Variants in IGSF9B observed in about 807,000 individuals in gnomAD.
IGSF9B encodes protein turtle homolog B.
A neutral mutation model predicts 143.7 loss-of-function variants in IGSF9B; 48 were observed. The ratio of observed to expected loss-of-function variants is 0.33; its 90% CI spans 0.26 to 0.42. The LOEUF is 0.42. IGSF9B is among the 20% of genes least tolerant of loss of function. The probability of loss-of-function intolerance (pLI) is 1.00; values close to 1 mark genes in which losing one functional copy is unlikely to be tolerated. For synonymous variants in IGSF9B, 903 were observed against 833.1 expected (o/e 1.08, Z -1.44); for missense variants, 1,706 against 1,980.0 (o/e 0.86, Z 2.63).
chr11:133,927,936 G>C (rs1451943137), intron 12 of IGSF9B, among the ~76,000 whole-genome samples: 1 of 152,194 alleles, frequency 6.6e-6, no homozygotes, highest in Non-Finnish European at 1.5e-5. Context: ...AGTACAAAAA[G>C]AAGCCGGCGC....
At position 133,902,567 on chromosome 11, in the gene IGSF9B, C is replaced by A. The variant is rs61910579; in HGVS notation, c.*6502G>T. ...ACACACACCACATACACACACACAC[C>A]CCACACACACACACACACACCCCAC... On this transcript the variant is annotated 3_prime_UTR_variant, in exon 20 of 20. Transcript: ENST00000533871. Among the ~76,000 whole-genome samples, 3 of 109,660 alleles carry A rather than the reference C, an allele frequency of 2.7e-5. No individual in the cohort carries two copies. Among genetic ancestry groups the A allele is most frequent in the African/African-American group, 8.7e-5 (3 of 34,320 alleles). The allele number at this position is 109,660 out of a possible 152,430, so 71.9% of individuals were successfully genotyped here. A position where few individuals can be genotyped will look rare whatever the true frequency, so the allele number is the denominator to read the frequency against.
rs529751810 is a variant in IGSF9B, at chr11:133,913,553, T to G, written c.3984-1546A>C. 2.6e-5 allele frequency among the ~76,000 whole-genome samples: 4 copies of G among 152,268 alleles called. No homozygotes were observed. The highest frequency in any genetic ancestry group is 9.6e-5 in the African/African-American group (4 of 41,550). On this transcript the variant is annotated intron_variant, in intron 18 of 19. Transcript: ENST00000533871. This position sits in a 1 kb window ranked among gnomAD's most constrained non-coding sequence, Gnocchi z 4.6. Reference sequence around the variant, plus strand: ...AAAGTTTCAAAAGGCTCCCTCAAAGTTCAGGTCACGGTCAACCTCTTGACT... The same window carrying G: ...AAAGTTTCAAAAGGCTCCCTCAAAGGTCAGGTCACGGTCAACCTCTTGACT...
chr11:133,935,805 G>A, intron 6 of IGSF9B, 43 bp from the exon 7 acceptor site: 2 of 1,593,326 alleles, frequency 1.3e-6, no homozygotes, highest in Non-Finnish European at 8.5e-7. Flanking sequence ...GAGCAGAAGG[G>A]GATCTTGCCG....
At position 133,931,671 on chromosome 11, in the gene IGSF9B, G is replaced by A. The variant is rs753973322; in HGVS notation, c.1235C>T (p.Ala412Val). ...GGACCTCACCTTCAGGACAAGCCTC[G>A]CAGGGGCAGACTGGCCCATGGTCCC... ...TLGTMGQSAP[A>V]RLVLKDPPYF... Residue 412 changes from alanine to valine, a missense_variant, in exon 9 of 20, where the codon GCG becomes GTG. Physicochemically the swap from Ala to Val is moderately conservative, Grantham distance 64. This residue lies in a region of IGSF9B where 238 missense variants were observed against 452.6 expected (regional missense o/e 0.53). Transcript: ENST00000533871. This position sits in a 1 kb window ranked among gnomAD's most constrained non-coding sequence, Gnocchi z 7.7. The A allele has an allele frequency of 1.4e-5, 22 of 1,609,996 alleles. No individual in the cohort carries two copies. The highest frequency in any genetic ancestry group is 1.8e-5 in the Non-Finnish European group (21 of 1,177,912).
intron 16 of IGSF9B, 111 bp from the exon 17 acceptor site, chr11:133,922,333 G>A: frequency 1.8e-6 from 2 of 1,098,370 alleles, no homozygotes; most frequent in Admixed American, 2.0e-5. Flanking sequence ...GGAAGGAGCT[G>A]CTCACAGTGG....
At chr11:133,947,476 C>T (rs1202245621) in intron 1 of IGSF9B, among the ~76,000 whole-genome samples, 1 of 152,240 alleles carries the variant, frequency 6.6e-6, no homozygotes, top group African/African-American at 2.4e-5. Flanking sequence ...AGCTGCAGTA[C>T]CGAAGCGGCA....
chr11:133,919,131 G>GGGGGGC, intron 18 of IGSF9B: 2 of 380,796 alleles, frequency 5.3e-6, no homozygotes, highest in South Asian at 1.8e-5. Flanking sequence ...GGGGGGGGTG[G>GGGGGGC]GGGACGTGTC....
At chr11:133,930,842 G>T in intron 11 of IGSF9B, 142 bp downstream of exon 11, 1 of 809,582 alleles carries the variant, frequency 1.2e-6, no homozygotes, top group Non-Finnish European at 1.8e-6. Context: ...GGTGCTGGAC[G>T]CGGAGTTCAG....
rs1478542659 is a variant in IGSF9B, at chr11:133,903,185, T to C, written c.*5884A>G. On this transcript the variant is annotated 3_prime_UTR_variant, in exon 20 of 20. Coordinates refer to ENST00000533871, the MANE Select transcript of IGSF9B (RefSeq NM_001277285.4). Reference sequence around the variant, plus strand: ...AACCTGCCCTAGTTCGCAAAATAAATCCAGGAAATCCAGTGCCACAGAGAG... The same window carrying C: ...AACCTGCCCTAGTTCGCAAAATAAACCCAGGAAATCCAGTGCCACAGAGAG... Among the ~76,000 whole-genome samples the C allele has an allele frequency of 6.6e-6, 1 of 151,704 alleles. No homozygotes were observed. Among genetic ancestry groups the C allele is most frequent in the Non-Finnish European group, 1.5e-5 (1 of 67,944 alleles).
rs1233206637 is a variant in IGSF9B, at chr11:133,945,982, A to C, written c.262+79T>G. 7.3e-6 allele frequency: 7 copies of C among 958,036 alleles called. No homozygotes were observed. The highest frequency in any genetic ancestry group is 1.1e-5 in the Non-Finnish European group (7 of 638,400). The allele number at this position is 958,036 out of a possible 1,614,324, so 59.3% of individuals were successfully genotyped here. A position where few individuals can be genotyped will look rare whatever the true frequency, so the allele number is the denominator to read the frequency against. ...ACAGAGATAAAGAGTGGTCAGGACA[A>C]GGCAGGGGCCAGAGGGGAACCACCG... On this transcript the variant is annotated intron_variant, in intron 2 of 19. Transcript: ENST00000533871. This position sits in a 1 kb window ranked among gnomAD's most constrained non-coding sequence, Gnocchi z 4.6.
intron 18 of IGSF9B, chr11:133,919,129 T>TGTGGGGGGGGGGGGGG: frequency 1.7e-5 from 3 of 174,376 alleles, no homozygotes; most frequent in Admixed American, 7.0e-5. Context: ...GGGGGGGGGG[T>TGTGGGGGGGGGGGGGG]GGGGGACGTG....
intron 5 of IGSF9B, among the ~76,000 whole-genome samples, chr11:133,936,953 G>C (rs1199442457): frequency 8.5e-5 from 13 of 152,222 alleles, no homozygotes; most frequent in Admixed American, 8.5e-4. Flanking sequence ...CCCCAGCTCT[G>C]CCAAATGCCC....
intron 2 of IGSF9B, 43 bp from the exon 3 acceptor site, chr11:133,944,409 A>G: frequency 6.2e-7 from 1 of 1,605,632 alleles, no homozygotes; most frequent in East Asian, 2.2e-5. Context: ...GCCATCAGGT[A>G]AGGACAGCAG....
rs1252467371 is a variant in IGSF9B, at chr11:133,932,186, G to C, written c.995C>G (p.Pro332Arg). The C allele has an allele frequency of 6.3e-7, 1 of 1,586,022 alleles. No individual in the cohort carries two copies. The highest frequency in any genetic ancestry group is 2.3e-5 in the East Asian group (1 of 43,376). ...GATCCCCACGGGCACGTAAATCACA[G>C]GGGGCATGTTGAGGACACGCGCTGG... ...QYPARVLNMP[P>R]VIYVPVGIHG... The change falls in exon 8 of 20, where the codon CCT becomes CGT. Residue 332 changes from proline to arginine, a missense_variant. By Grantham distance (103) the Pro-to-Arg change is moderately radical. Around this residue, in one of 7 missense-constraint regions of IGSF9B, gnomAD observed 238 missense variants for 452.6 expected, o/e 0.53. Transcript: ENST00000533871.
chr11:133,947,782 G>C (rs1278266937), intron 1 of IGSF9B, among the ~76,000 whole-genome samples: 1 of 148,316 alleles, frequency 6.7e-6, no homozygotes, highest in African/African-American at 2.5e-5. Context: ...TGGTTCCTCT[G>C]TGTGTCTGTC....
At chr11:133,941,760 T>C (rs1939959079) in intron 3 of IGSF9B, among the ~76,000 whole-genome samples, 1 of 152,174 alleles carries the variant, frequency 6.6e-6, no homozygotes, top group African/African-American at 2.4e-5. Context: ...AGCCTACCCG[T>C]GTTCCCTGAA....
In IGSF9B at chr11:133,926,069, G is replaced by T. The variant is rs1274837954; in HGVS notation, c.1808-104C>A. The T allele has an allele frequency of 3.6e-6, 3 of 825,816 alleles. No homozygotes were observed. In the Admixed American group the frequency reaches 6.5e-5, roughly 18 times the overall value. 51.2% of individuals were successfully genotyped at this position (825,816 alleles called of 1,614,324 possible). A position where few individuals can be genotyped will look rare whatever the true frequency, so the allele number is the denominator to read the frequency against. ...ACATGTCAGGGCCCAGAGGGAAGCA[G>T]AGTCAGGGCCCGGGGCCCAGGGCTT... On this transcript the variant is annotated intron_variant, in intron 13 of 19. Coordinates refer to ENST00000533871, the MANE Select transcript of IGSF9B (RefSeq NM_001277285.4).
In IGSF9B at chr11:133,920,614, AGGG is replaced by A; in HGVS notation, c.3108_3110del (p.Pro1037del). 2 of 1,613,450 alleles carry A rather than the reference AGGG, an allele frequency of 1.2e-6. No homozygotes were observed. Among genetic ancestry groups the A allele is most frequent in the Admixed American group, 3.3e-5 (2 of 60,024 alleles). On this transcript the variant is annotated inframe_deletion, in exon 18 of 20. Coordinates refer to ENST00000533871, the MANE Select transcript of IGSF9B (RefSeq NM_001277285.4). ...GGAATTCTGGCCGGCCCCAGGGCTC[AGGG>A]GAGCGCCCTCCTGTAGGTGTCTGAG... is the stretch of plus-strand genomic sequence containing the variant.
chr11:133,937,996 A>G, intron 3 of IGSF9B, 35 bp from the exon 4 acceptor site: 2 of 1,606,350 alleles, frequency 1.2e-6, no homozygotes, highest in South Asian at 2.2e-5. Context: ...AGGACACGCC[A>G]TCAGCCACAT....
Sources: gnomAD v4.1 joint callset for allele counts (sites outside exome capture counted in the v4.1 genomes callset) on GRCh38, gnomAD v4.1.1 for gene constraint, gnomAD v4.1.1 regional missense constraint, Gnocchi (gnomAD v3.1) non-coding constraint, MANE v1.5 for transcripts, NCBI Gene and HGNC (gene_info 2026-07-23, HGNC 2026-07-21) for gene names.